EXT1: variants seen among roughly 807,000 people sequenced by gnomAD.
EXT1 encodes exostosin glycosyltransferase 1.
A neutral mutation model predicts 82.5 loss-of-function variants in EXT1; 20 were observed. That is an observed-to-expected ratio of 0.24 (90% CI 0.17 to 0.35). EXT1 has a LOEUF of 0.35. Ranked by LOEUF, EXT1 falls within the 10% of genes least tolerant of loss-of-function variation. EXT1 has a pLI of 1.00. For synonymous variants in EXT1, 348 were observed against 350.8 expected, an observed-to-expected ratio of 0.99 and a Z score of 0.09; for missense variants, 757 against 936.5, an observed-to-expected ratio of 0.81 and a Z score of 2.50.
At chr8:117,858,508 C>A (rs978821489) in intron 1 of EXT1, among the ~76,000 whole-genome samples, 2 of 151,846 alleles carry the variant, frequency 1.3e-5, no homozygotes, top group African/African-American at 2.4e-5. Flanking sequence ...CCCATCTCTA[C>A]TAAAAATACA....
At chr8:118,016,905 G>A (rs907124788) in intron 1 of EXT1, among the ~76,000 whole-genome samples, 2 of 152,190 alleles carry the variant, frequency 1.3e-5, no homozygotes. Context: ...GGTGACATTC[G>A]ATTTCTTGAT....
chr8:118,101,068 G>A (rs2468140), intron 1 of EXT1, among the ~76,000 whole-genome samples: 146,357 of 152,266 alleles, frequency 0.96, 70,495 homozygotes, highest in Non-Finnish European at 1. Context: ...TGTTGATTAG[G>A]AAATAGCAGG....
At chr8:117,965,744 C>G (rs1404964817) in intron 1 of EXT1, among the ~76,000 whole-genome samples, 2 of 151,996 alleles carry the variant, frequency 1.3e-5, no homozygotes, top group African/African-American at 4.8e-5. Context: ...CTCTAATACC[C>G]AAAATGAAGC....
At chr8:117,899,816 C>A (rs1330600395) in intron 1 of EXT1, among the ~76,000 whole-genome samples, 1 of 152,200 alleles carries the variant, frequency 6.6e-6, no homozygotes, top group Non-Finnish European at 1.5e-5. Context: ...AAGTACATGT[C>A]TGAGAAAAAT....
chr8:117,919,506 CTTT>C (rs34037715), intron 1 of EXT1, among the ~76,000 whole-genome samples: 2 of 141,040 alleles, frequency 1.4e-5, no homozygotes, highest in Admixed American at 7.1e-5. Flanking sequence ...TGAGTTAAAA[CTTT>C]TTTTTTTTTT....
intron 1 of EXT1, among the ~76,000 whole-genome samples, chr8:117,956,073 G>C (rs1385015759): frequency 1.3e-5 from 2 of 151,962 alleles, no homozygotes; most frequent in East Asian, 3.9e-4. Flanking sequence ...GCTGTTTACA[G>C]ATAATCTGAG....
At chr8:118,069,760 A>G (rs1817054231) in intron 1 of EXT1, among the ~76,000 whole-genome samples, 1 of 152,016 alleles carries the variant, frequency 6.6e-6, no homozygotes, top group Non-Finnish European at 1.5e-5. Flanking sequence ...CTACTACTGG[A>G]CATCATGGAC....
Position 117,812,928 on chromosome 8 carries a change from T to A in EXT1, c.1666A>T (p.Ile556Phe). The A allele has an allele frequency of 6.2e-7, 1 of 1,613,886 alleles. No individual in the cohort carries two copies. Among genetic ancestry groups the A allele is most frequent in the Non-Finnish European group, 8.5e-7 (1 of 1,179,942 alleles). ...AGGCTGAGCACGGCGTCTGTGATGA[T>A]GTTGTCGTAGGGCAGAAAACGGCTG... ...MSSRFLPYDN[I>F]ITDAVLSLDE... The change falls in exon 8 of 11, where the codon ATC (isoleucine) becomes TTC (phenylalanine). Residue 556 changes from isoleucine (I) to phenylalanine (F), a missense_variant. Ile to Phe is a conservative substitution (Grantham distance 21, BLOSUM62 0). This residue lies in a region of EXT1 where 207 missense variants were observed against 224.2 expected (regional missense o/e 0.92). Transcript: ENST00000378204.
chr8:118,004,061 A>C (rs946121763), intron 1 of EXT1, among the ~76,000 whole-genome samples: 1 of 152,248 alleles, frequency 6.6e-6, no homozygotes, highest in Non-Finnish European at 1.5e-5. Context: ...GAAGTTCTTC[A>C]AAGAATAGAA....
At chr8:118,024,579 T>C (rs933043854) in intron 1 of EXT1, among the ~76,000 whole-genome samples, 7 of 150,996 alleles carry the variant, frequency 4.6e-5, no homozygotes, top group Admixed American at 1.3e-4. Context: ...TGCAGTTCAG[T>C]AGAGGCAGAA....
intron 1 of EXT1, among the ~76,000 whole-genome samples, chr8:118,075,472 A>C (rs1010672266): frequency 6.6e-6 from 1 of 152,208 alleles, no homozygotes; most frequent in African/African-American, 2.4e-5. Flanking sequence ...TTCTAACGAC[A>C]CAAGTTTCTC....
chr8:117,805,285 A>G (rs1349987819), intron 9 of EXT1, among the ~76,000 whole-genome samples: 3 of 152,238 alleles, frequency 2.0e-5, no homozygotes, highest in Non-Finnish European at 4.4e-5. Context: ...TTATTTACAC[A>G]TGATCTATAT....
chr8:118,007,527 T>A (rs1414939625), intron 1 of EXT1, among the ~76,000 whole-genome samples: 1 of 152,210 alleles, frequency 6.6e-6, no homozygotes, highest in African/African-American at 2.4e-5. Flanking sequence ...ACCTAGGTGA[T>A]ATATTGACAG....
At chr8:118,106,828 G>A (rs1241636900) in intron 1 of EXT1, among the ~76,000 whole-genome samples, 1 of 152,146 alleles carries the variant, frequency 6.6e-6, no homozygotes, top group Non-Finnish European at 1.5e-5. Flanking sequence ...TTACTGCAAT[G>A]ACTTGTTTTA....
rs892563241 is a variant in EXT1 at position 117,798,009 on chromosome 8, T to C, written c.*1703A>G. 6.6e-6 allele frequency: 1 copy of C among 152,294 alleles called. No homozygotes were observed. Among genetic ancestry groups the C allele is most frequent in the Non-Finnish European group, 1.5e-5 (1 of 68,122 alleles). The allele number at this position is 152,294 out of a possible 1,614,324, so 9.4% of individuals were successfully genotyped here. On this transcript the variant is annotated 3_prime_UTR_variant, in exon 11 of 11. Transcript: ENST00000378204. The stretch of plus-strand genomic sequence containing the variant: ...TAGGTAGCCTGTTGAGTCACTTCTC[T>C]GGACTTCCACAAACACTTTCACTCC...
At chr8:117,953,986 C>T (rs1051443000) in intron 1 of EXT1, among the ~76,000 whole-genome samples, 2 of 152,156 alleles carry the variant, frequency 1.3e-5, no homozygotes, top group Non-Finnish European at 2.9e-5. Context: ...CTGGCACTGT[C>T]TTGCATGCTT....
chr8:118,012,390 C>A (rs888258043), intron 1 of EXT1, among the ~76,000 whole-genome samples: 4 of 152,194 alleles, frequency 2.6e-5, no homozygotes, highest in South Asian at 2.1e-4. Context: ...TTTGGATTGA[C>A]CCTTTTTGTC....
chr8:118,097,902 A>T (rs1483076187), intron 1 of EXT1, among the ~76,000 whole-genome samples: 2 of 152,194 alleles, frequency 1.3e-5, no homozygotes, highest in Non-Finnish European at 2.9e-5. Context: ...ATGAGCACAT[A>T]CCAGGAGAAT....
intron 1 of EXT1, among the ~76,000 whole-genome samples, chr8:118,015,179 T>C (rs1169125898): frequency 3.3e-5 from 5 of 152,232 alleles, no homozygotes; most frequent in African/African-American, 1.2e-4. Flanking sequence ...GTCTTTAAAC[T>C]GCTGGATCAG....
Sources: gnomAD v4.1 joint callset for allele counts (sites outside exome capture counted in the v4.1 genomes callset) on GRCh38, gnomAD v4.1.1 for gene constraint, gnomAD v4.1.1 regional missense constraint, MANE v1.5 for transcripts, NCBI Gene and HGNC (gene_info 2026-07-23, HGNC 2026-07-21) for gene names.